Variants in LYST observed in about 807,000 individuals in gnomAD.
LYST encodes lysosomal-trafficking regulator.
A neutral mutation model predicts 413.6 loss-of-function variants in LYST; 192 were observed. The observed-to-expected ratio is 0.46, with a 90% CI of 0.41 to 0.52. The LOEUF is 0.52. Ranked by LOEUF, LYST falls within the 20% of genes least tolerant of loss-of-function variation. The pLI, the probability that LYST is intolerant of heterozygous loss-of-function variation, is 0.00. For missense variants in LYST, 3,815 were observed against 4,499.9 expected (o/e 0.85, Z 4.35); for synonymous variants, 1,525 against 1,567.3 (o/e 0.97, Z 0.64).
At position 235,800,943 on chromosome 1, in the gene LYST, A is replaced by C; in HGVS notation, c.3867T>G (p.Leu1289=). ...LSASKAKLDV[L]AHVFESFLKI... is the part of the protein sequence containing the mutation. Reference sequence around the variant, plus strand: ...TCAAAAAACTCTCAAATACATGGGCAAGCACATCAAGTTTGGCTTTACTAG... The same window carrying C: ...TCAAAAAACTCTCAAATACATGGGCCAGCACATCAAGTTTGGCTTTACTAG... Residue 1289 remains leucine (L), a synonymous_variant, in exon 9 of 53, where the codon CTT becomes CTG. Transcript: ENST00000389793. 1 of 1,613,848 alleles carries C rather than the reference A, an allele frequency of 6.2e-7. No individual in the cohort carries two copies. Among genetic ancestry groups the C allele is most frequent in the South Asian group, 1.1e-5 (1 of 91,078 alleles).
chr1:235,767,252 T>C (rs1203914899), intron 20 of LYST, among the ~76,000 whole-genome samples: 1 of 152,122 alleles, frequency 6.6e-6, no homozygotes, highest in Admixed American at 6.5e-5. Flanking sequence ...TCCAAATATA[T>C]ATCTCTACAT....
intron 48 of LYST, among the ~76,000 whole-genome samples, chr1:235,678,660 T>A (rs921948867): frequency 1.3e-5 from 2 of 152,226 alleles, no homozygotes. Flanking sequence ...TTTTATATTA[T>A]CAATTTATTT....
chr1:235,808,642 C>T lies in LYST; in HGVS notation c.2176G>A (p.Val726Ile). The T allele has an allele frequency of 6.2e-7, 1 of 1,612,980 alleles. No homozygotes were observed. Among genetic ancestry groups the T allele is most frequent in the Non-Finnish European group, 8.5e-7 (1 of 1,179,090 alleles). ...ATGTAATTATATAATTTCCACTGAA[C>T]AACTATATTGCCTTTCTGGATTAAA... ...CNLIQKGNIVVQWKLYNYIFN... is the reference protein window; with the variant it reads ...CNLIQKGNIVIQWKLYNYIFN... Residue 726 changes from valine (V) to isoleucine (I), a missense_variant, in exon 5 of 53, where the codon GTT (valine) becomes ATT (isoleucine). Coordinates refer to ENST00000389793, the MANE Select transcript of LYST (RefSeq NM_000081.4).
intron 39 of LYST, among the ~76,000 whole-genome samples, chr1:235,721,346 A>C (rs1444446560): frequency 6.6e-6 from 1 of 152,214 alleles, no homozygotes; most frequent in Non-Finnish European, 1.5e-5. Flanking sequence ...GGGAGTGATA[A>C]TATTTCTCTC....
Position 235,752,156 on chromosome 1 carries a change from T to G in LYST, c.7476A>C (p.Glu2492Asp), listed in dbSNP as rs768559373. 1 of 1,609,176 alleles carries G rather than the reference T, an allele frequency of 6.2e-7. No individual in the cohort carries two copies. Among genetic ancestry groups the G allele is most frequent in the East Asian group, 2.2e-5 (1 of 44,746 alleles). The change falls in exon 27 of 53, where the codon GAA becomes GAC. Residue 2492 changes from glutamate to aspartate, a missense_variant. By Grantham distance (45) the Glu-to-Asp change is conservative. Around this residue, in one of 4 missense-constraint regions of LYST, gnomAD observed 771 missense variants for 837.1 expected, o/e 0.92. Transcript: ENST00000389793. ...GTATATCACAAGCAAGCAATTTATATTCACTCATGGGAATGCTAAAGATAA... is the reference window on the plus strand; with the variant it reads ...GTATATCACAAGCAAGCAATTTATAGTCACTCATGGGAATGCTAAAGATAA... ...NGLEKNIPMS[E>D]YKLLACDIQQ...
upstream of LYST, among the ~76,000 whole-genome samples, chr1:235,868,977 G>A (rs1168186836): frequency 6.6e-6 from 1 of 152,104 alleles, no homozygotes; most frequent in African/African-American, 2.4e-5. Context: ...TTACAGGCAT[G>A]AGACACCGCT....
At chr1:235,857,609 T>A (rs1679331100) in intron 1 of LYST, among the ~76,000 whole-genome samples, 1 of 151,560 alleles carries the variant, frequency 6.6e-6, no homozygotes, top group South Asian at 2.1e-4. Context: ...CCAATGAGAC[T>A]GAAGAGGAGT....
chr1:235,729,514 G>T, intron 37 of LYST, 82 bp downstream of exon 37: 1 of 921,550 alleles, frequency 1.1e-6, no homozygotes, highest in Non-Finnish European at 1.8e-6. Context: ...TTAATGGCAT[G>T]CTGTCAAAAA....
chr1:235,853,527 G>A (rs1433074869), intron 1 of LYST, among the ~76,000 whole-genome samples: 1 of 152,006 alleles, frequency 6.6e-6, no homozygotes, highest in Non-Finnish European at 1.5e-5. Flanking sequence ...CAGTAAGGCA[G>A]TAGTTCTGGG....
chr1:235,862,331 A>G (rs542324349), intron 1 of LYST, among the ~76,000 whole-genome samples: 12 of 152,196 alleles, frequency 7.9e-5, no homozygotes, highest in Non-Finnish European at 1.8e-4. Context: ...GGTTTCAGTT[A>G]CCTGAGGTCA....
intron 28 of LYST, among the ~76,000 whole-genome samples, chr1:235,749,181 A>G (rs1558185642): frequency 6.6e-6 from 1 of 152,236 alleles, no homozygotes; most frequent in Non-Finnish European, 1.5e-5. Flanking sequence ...TCAGAAACAG[A>G]AGAGCTTCAG....
chr1:235,773,029 T>C (rs1668865804), intron 19 of LYST, among the ~76,000 whole-genome samples: 1 of 152,150 alleles, frequency 6.6e-6, no homozygotes, highest in Admixed American at 6.5e-5. Context: ...TTTAAAAGAA[T>C]ATGCTGGCTG....
At chr1:235,732,482 G>A (rs904086781) in intron 34 of LYST, among the ~76,000 whole-genome samples, 5 of 151,912 alleles carry the variant, frequency 3.3e-5, no homozygotes, top group South Asian at 4.1e-4. Flanking sequence ...TCCATATTTC[G>A]AATATTTTCC....
chr1:235,749,032 A>T (rs1404062837), intron 28 of LYST, among the ~76,000 whole-genome samples: 1 of 152,198 alleles, frequency 6.6e-6, no homozygotes, highest in Non-Finnish European at 1.5e-5. Context: ...CTAAACATTT[A>T]TCAGTAAAGA....
In LYST at chr1:235,728,112, A is replaced by C; in HGVS notation, c.9126T>G (p.Phe3042Leu). The change falls in exon 38 of 53, where the codon TTT becomes TTG. Residue 3042 changes from phenylalanine (F) to leucine (L), a missense_variant. This residue lies in a region of LYST where 866 missense variants were observed against 1,156.0 expected (regional missense o/e 0.75). Coordinates refer to ENST00000389793, the MANE Select transcript of LYST (RefSeq NM_000081.4). ...CTGTATCAGAAGCATTATCTTCCAC[A>C]AAATACATTCCACATTTACCTGCAG... is the stretch of plus-strand genomic sequence containing the variant. The part of the protein sequence containing the change: ...ELLLGKCGMY[F>L]VEDNASDTVE... The C allele has an allele frequency of 6.2e-7, 1 of 1,612,546 alleles. No individual in the cohort carries two copies.
At chr1:235,883,005 C>T (rs1681445004) in intron 1 of LYST, among the ~76,000 whole-genome samples, 1 of 152,166 alleles carries the variant, frequency 6.6e-6, no homozygotes, top group East Asian at 1.9e-4. Flanking sequence ...ACAGTCCTGG[C>T]CACTCTCTGA....
rs1434769417 is a variant in LYST at position 235,762,256 on chromosome 1, T to C, written c.6253+464A>G. Among the ~76,000 whole-genome samples the C allele has an allele frequency of 2.0e-5, 3 of 152,260 alleles. No homozygotes were observed. In the East Asian group the frequency reaches 5.8e-4, roughly 29 times the overall value. ...ATATGGATAGAACAAAGCGGGATAT[T>C]GTAGTTTCACAGGTGCTTGAAAGCA... is the stretch of plus-strand genomic sequence containing the variant. On this transcript the variant is annotated intron_variant, in intron 22 of 52. Coordinates refer to ENST00000389793, the MANE Select transcript of LYST (RefSeq NM_000081.4).
chr1:235,862,848 C>CACACACACACAT lies in LYST; in HGVS notation c.-98+3994_-98+3995insATGTGTGTGTGT, dbSNP rs36022107. ...ACACACACACACACACACACACACA[C>CACACACACACAT]CCCTTCAAGATAAAGTGAGACTACC... On this transcript the variant is annotated intron_variant, in intron 1 of 52. Coordinates refer to ENST00000389793, the MANE Select transcript of LYST (RefSeq NM_000081.4). Among the ~76,000 whole-genome samples the CACACACACACAT allele has an allele frequency of 5.9e-4, 86 of 146,508 alleles. 2 individuals are homozygous for CACACACACACAT. The highest frequency in any genetic ancestry group is 1.5e-3 in the South Asian group (7 of 4,670).
At chr1:235,691,694 T>C (rs892822569) in intron 47 of LYST, among the ~76,000 whole-genome samples, 1 of 105,924 alleles carries the variant, frequency 9.4e-6, no homozygotes, top group African/African-American at 5.6e-5. Context: ...AACATCAGAT[T>C]CTCTCTTTTT....
Sources: allele counts gnomAD v4.1 joint callset (sites outside exome capture counted in the v4.1 genomes callset), GRCh38; gene constraint gnomAD v4.1.1; regional missense constraint gnomAD v4.1.1; transcripts MANE v1.5; gene names NCBI Gene and HGNC (gene_info 2026-07-23, HGNC 2026-07-21).